ZDHHC13: variants seen among roughly 807,000 people sequenced by gnomAD.
The protein encoded by ZDHHC13 is palmitoyltransferase ZDHHC13.
A neutral mutation model predicts 86.0 loss-of-function variants in ZDHHC13; 85 were observed. The observed-to-expected ratio is 0.99, with a 90% CI of 0.83 to 1.18. The LOEUF (loss-of-function observed/expected upper bound fraction) is 1.18, where lower values mean the gene tolerates loss of function less well. ZDHHC13 is among the 50% of genes most tolerant of loss of function. The probability of loss-of-function intolerance (pLI) is 0.00; values close to 1 mark genes in which losing one functional copy is unlikely to be tolerated. For missense variants in ZDHHC13, 711 were observed against 730.2 expected (o/e 0.97, Z 0.30); for synonymous variants, 263 against 246.4 (o/e 1.07, Z -0.63).
rs1848661841 is a variant in ZDHHC13, at chr11:19,117,185, G to A, written c.-65G>A. 2.6e-6 allele frequency: 4 copies of A among 1,518,450 alleles called. No individual in the cohort carries two copies. Among genetic ancestry groups the A allele is most frequent in the East Asian group, 5.0e-5 (2 of 39,908 alleles). The allele number at this position is 1,518,450 out of a possible 1,614,324, so 94.1% of individuals were successfully genotyped here. On this transcript the variant is annotated 5_prime_UTR_variant, in exon 1 of 17. Transcript: ENST00000446113. The surrounding 1 kb of genome is among the most constrained non-coding windows in gnomAD (Gnocchi z 4.2). ...GTGGGAGAAGAGGCGACCCAAGGCG[G>A]GCTGGCGGGCTGGCGGCAGTCGCTA...
At chr11:19,161,955 C>T (rs1343482634) in intron 10 of ZDHHC13, among the ~76,000 whole-genome samples, 1 of 152,126 alleles carries the variant, frequency 6.6e-6, no homozygotes, top group African/African-American at 2.4e-5. Flanking sequence ...CTGTCCTCTA[C>T]ACTGGTGTTT....
chr11:19,154,400 C>T (rs1480562812), intron 8 of ZDHHC13, among the ~76,000 whole-genome samples: 3 of 151,774 alleles, frequency 2.0e-5, no homozygotes, highest in Non-Finnish European at 4.4e-5. Flanking sequence ...CTAAACTAGC[C>T]CATTTTGTGT....
rs982881838 is a variant in ZDHHC13 at position 19,150,855 on chromosome 11, A to T, written c.584+64A>T. On this transcript the variant is annotated intron_variant, in intron 6 of 16. Transcript: ENST00000446113. ...CCAACTATTTCTTTTCTGTGTATGT[A>T]ATTTTAAGTATCTGTGTCTATGTGA... 3.5e-6 allele frequency: 5 copies of T among 1,443,956 alleles called. No homozygotes were observed. The African/African-American group carries it at 7.0e-5, about 20-fold the overall frequency. The allele number at this position is 1,443,956 out of a possible 1,614,324, so 89.4% of individuals were successfully genotyped here. A position where few individuals can be genotyped will look rare whatever the true frequency, so the allele number is the denominator to read the frequency against.
chr11:19,143,644 A>C (rs1326809667), intron 2 of ZDHHC13, among the ~76,000 whole-genome samples: 5 of 152,222 alleles, frequency 3.3e-5, no homozygotes, highest in Admixed American at 6.5e-5. Context: ...TAAGGTGGAA[A>C]TATGTTCTCT....
At chr11:19,124,762 T>TGGG (rs572184668) in intron 1 of ZDHHC13, among the ~76,000 whole-genome samples, 1 of 151,556 alleles carries the variant, frequency 6.6e-6, no homozygotes, top group South Asian at 2.1e-4. Context: ...TGCGTGTGTG[T>TGGG]GGGGGGGTAC....
intron 1 of ZDHHC13, among the ~76,000 whole-genome samples, chr11:19,139,348 A>C (rs1223212311): frequency 6.6e-6 from 1 of 151,952 alleles, no homozygotes; most frequent in Non-Finnish European, 1.5e-5. Flanking sequence ...CTAGCAATCC[A>C]ACTTACAAGG....
chr11:19,129,355 T>C (rs906148910), intron 1 of ZDHHC13, among the ~76,000 whole-genome samples: 1 of 152,204 alleles, frequency 6.6e-6, no homozygotes, highest in Non-Finnish European at 1.5e-5. Flanking sequence ...AATGGTCTTG[T>C]ACCATTCAGT....
chr11:19,144,159 A>G (rs1286709003), intron 2 of ZDHHC13, among the ~76,000 whole-genome samples: 1 of 152,178 alleles, frequency 6.6e-6, no homozygotes. Flanking sequence ...TTAGTTGAAT[A>G]TTATTTGATA....
chr11:19,147,134 A>C (rs556017381), intron 3 of ZDHHC13, among the ~76,000 whole-genome samples: 1 of 152,182 alleles, frequency 6.6e-6, no homozygotes, highest in African/African-American at 2.4e-5. Flanking sequence ...TAACTTTTCC[A>C]AAAGGATTTT....
At chr11:19,135,412 G>A (rs1442288881) in intron 1 of ZDHHC13, among the ~76,000 whole-genome samples, 3 of 152,342 alleles carry the variant, frequency 2.0e-5, no homozygotes, top group East Asian at 1.9e-4. Context: ...CACCTGGCTC[G>A]GAGGGGCCTA....
At chr11:19,140,283 G>A (rs1849276494) in intron 1 of ZDHHC13, among the ~76,000 whole-genome samples, 1 of 152,100 alleles carries the variant, frequency 6.6e-6, no homozygotes, top group Non-Finnish European at 1.5e-5. Flanking sequence ...CTCAAAAGAA[G>A]ACATTTATGC....
chr11:19,153,346 A>C (rs1312437718), intron 8 of ZDHHC13, among the ~76,000 whole-genome samples: 1 of 152,204 alleles, frequency 6.6e-6, no homozygotes, highest in Non-Finnish European at 1.5e-5. Flanking sequence ...ATACTATTTA[A>C]ATTGTTAAAA....
At chr11:19,147,847 T>G (rs1849509313) in intron 4 of ZDHHC13, among the ~76,000 whole-genome samples, 174 bp downstream of exon 4, 1 of 150,278 alleles carries the variant, frequency 6.7e-6, no homozygotes, top group Admixed American at 6.6e-5. Context: ...ATATTTAATT[T>G]AGGGCTTCAT....
intron 1 of ZDHHC13, among the ~76,000 whole-genome samples, chr11:19,134,243 C>G (rs1246167124): frequency 1.3e-5 from 2 of 152,126 alleles, no homozygotes; most frequent in Admixed American, 1.3e-4. Context: ...CACCTGTAAT[C>G]CCAGTACTTT....
At position 19,117,217 on chromosome 11, in the gene ZDHHC13, T is replaced by A; in HGVS notation, c.-33T>A. 1 of 1,529,392 alleles carries A rather than the reference T, an allele frequency of 6.5e-7. No individual in the cohort carries two copies. Among genetic ancestry groups the A allele is most frequent in the Non-Finnish European group, 8.8e-7 (1 of 1,141,176 alleles). 94.7% of individuals were successfully genotyped at this position (1,529,392 alleles called of 1,614,324 possible). A position where few individuals can be genotyped will look rare whatever the true frequency, so the allele number is the denominator to read the frequency against. ...GGGCTGGCGGCAGTCGCTACTTGCCTAGTAGCCTCAGCCGCTGTGGGCTCC... is the reference window on the plus strand; with the variant it reads ...GGGCTGGCGGCAGTCGCTACTTGCCAAGTAGCCTCAGCCGCTGTGGGCTCC... On this transcript the variant is annotated 5_prime_UTR_variant, in exon 1 of 17. Transcript: ENST00000446113. This position sits in a 1 kb window ranked among gnomAD's most constrained non-coding sequence, Gnocchi z 4.2.
chr11:19,139,367 G>A (rs1330988539), intron 1 of ZDHHC13, among the ~76,000 whole-genome samples: 3 of 151,656 alleles, frequency 2.0e-5, no homozygotes, highest in Non-Finnish European at 4.4e-5. Flanking sequence ...GGGATGTGAA[G>A]GACCTCTTCA....
At chr11:19,156,038 C>T (rs1252814467) in intron 9 of ZDHHC13, 109 bp downstream of exon 9, 5 of 1,338,480 alleles carry the variant, frequency 3.7e-6, no homozygotes, top group East Asian at 5.0e-5. Context: ...GTAAATATTA[C>T]TTACCATATA....
intron 2 of ZDHHC13, among the ~76,000 whole-genome samples, chr11:19,144,432 AGTGTGT>A (rs142248923): frequency 1.3e-4 from 18 of 143,170 alleles, no homozygotes; most frequent in East Asian, 8.2e-4. Context: ...AGAGCTATGG[AGTGTGT>A]GTGTGTGTGT....
chr11:19,120,764 T>C (rs1254073732), intron 1 of ZDHHC13, among the ~76,000 whole-genome samples: 1 of 152,206 alleles, frequency 6.6e-6, no homozygotes, highest in Non-Finnish European at 1.5e-5. Context: ...AAATTTTTTT[T>C]CCCTTTGTAT....
Sources: gnomAD v4.1 joint callset for allele counts (sites outside exome capture counted in the v4.1 genomes callset) on GRCh38, gnomAD v4.1.1 for gene constraint, Gnocchi (gnomAD v3.1) non-coding constraint, MANE v1.5 for transcripts, NCBI Gene and HGNC (gene_info 2026-07-23, HGNC 2026-07-21) for gene names.